ANKIB1: variants seen among roughly 807,000 people sequenced by gnomAD.
ANKIB1 encodes the protein ankyrin repeat and IBR domain-containing protein 1.
ANKIB1 carries 43 observed loss-of-function variants against 122.1 expected under a neutral mutation model. The ratio of observed to expected loss-of-function variants is 0.35; its 90% CI spans 0.28 to 0.45. The LOEUF (loss-of-function observed/expected upper bound fraction) is 0.45, where lower values mean the gene tolerates loss of function less well. ANKIB1 is among the 20% of genes least tolerant of loss of function. The pLI is 1.00. For missense variants in ANKIB1, 992 were observed against 1,329.5 expected (o/e 0.75, Z 3.95); for synonymous variants, 390 against 442.0 (o/e 0.88, Z 1.48).
chr7:92,340,520 GA>G (rs915759677), intron 5 of ANKIB1, among the ~76,000 whole-genome samples: 21 of 149,834 alleles, frequency 1.4e-4, no homozygotes, highest in East Asian at 1.4e-3. Context: ...GGAATACCAA[GA>G]AAAAAAAAGG....
chr7:92,339,286 C>A (rs997318778), intron 5 of ANKIB1, among the ~76,000 whole-genome samples: 2 of 151,830 alleles, frequency 1.3e-5, no homozygotes, highest in African/African-American at 4.8e-5. Context: ...TGGTGATCCG[C>A]CCGCCTTGGC....
At chr7:92,308,145 C>G (rs1037436181) in intron 3 of ANKIB1, among the ~76,000 whole-genome samples, 3 of 152,094 alleles carry the variant, frequency 2.0e-5, no homozygotes, top group Non-Finnish European at 2.9e-5. Flanking sequence ...GCTGGGATTA[C>G]AGGCGGGAGT....
intron 9 of ANKIB1, among the ~76,000 whole-genome samples, chr7:92,357,220 T>A (rs1488002730): frequency 1.3e-5 from 2 of 152,192 alleles, no homozygotes; most frequent in Non-Finnish European, 2.9e-5. Context: ...TGGAGGAGTT[T>A]AGATTAGGCA....
chr7:92,304,297 A>C (rs888802526), intron 2 of ANKIB1, among the ~76,000 whole-genome samples: 1 of 151,968 alleles, frequency 6.6e-6, no homozygotes, highest in Admixed American at 6.6e-5. Context: ...ATAATTTGAG[A>C]CTCTTTCTTG....
chr7:92,330,796 T>G (rs911093369), intron 5 of ANKIB1, among the ~76,000 whole-genome samples: 1 of 152,218 alleles, frequency 6.6e-6, no homozygotes, highest in Non-Finnish European at 1.5e-5. Context: ...GAGTGGAGAT[T>G]GTGCTACTGC....
At chr7:92,280,761 T>TA (rs1421960733) in intron 1 of ANKIB1, among the ~76,000 whole-genome samples, 3 of 152,202 alleles carry the variant, frequency 2.0e-5, no homozygotes, top group East Asian at 1.9e-4. Flanking sequence ...CGCTGACAAC[T>TA]TTTATCTCTC....
intron 2 of ANKIB1, among the ~76,000 whole-genome samples, chr7:92,299,538 C>G (rs1449963542): frequency 1.3e-5 from 2 of 152,126 alleles, no homozygotes; most frequent in African/African-American, 4.8e-5. Context: ...AAACATTTCT[C>G]ACTTTCCTAA....
chr7:92,371,382 G>A, intron 10 of ANKIB1, 95 bp from the exon 11 acceptor site: 1 of 1,039,990 alleles, frequency 9.6e-7, no homozygotes, highest in African/African-American at 1.6e-5. Flanking sequence ...AAAATTGAGA[G>A]ACAGCCTGCA....
At chr7:92,251,798 C>T (rs756974394) in intron 1 of ANKIB1, among the ~76,000 whole-genome samples, 1 of 152,152 alleles carries the variant, frequency 6.6e-6, no homozygotes, top group Non-Finnish European at 1.5e-5. Context: ...AGAAAATCAA[C>T]GTGGATACAA....
At chr7:92,371,043 T>G (rs576318148) in intron 10 of ANKIB1, among the ~76,000 whole-genome samples, 1 of 152,220 alleles carries the variant, frequency 6.6e-6, no homozygotes, top group Non-Finnish European at 1.5e-5. Flanking sequence ...TATTTTTTGC[T>G]TTTTACTATG....
intron 3 of ANKIB1, among the ~76,000 whole-genome samples, chr7:92,309,109 A>T (rs1802632332): frequency 6.6e-6 from 1 of 152,118 alleles, no homozygotes; most frequent in South Asian, 2.1e-4. Context: ...TTGTGATCTT[A>T]TCTTTTGTTT....
At chr7:92,302,631 T>C (rs1178788230) in intron 2 of ANKIB1, among the ~76,000 whole-genome samples, 2 of 152,212 alleles carry the variant, frequency 1.3e-5, no homozygotes, top group East Asian at 1.9e-4. Flanking sequence ...ACAGCCTCTT[T>C]TGCTTATTTG....
chr7:92,265,889 C>G (rs183602838), intron 1 of ANKIB1, among the ~76,000 whole-genome samples: 1 of 152,162 alleles, frequency 6.6e-6, no homozygotes, highest in Non-Finnish European at 1.5e-5. Context: ...GGCACTGTTA[C>G]AGGAGTCCGG....
At chr7:92,332,107 A>G (rs1468016268) in intron 5 of ANKIB1, among the ~76,000 whole-genome samples, 1 of 152,212 alleles carries the variant, frequency 6.6e-6, no homozygotes, top group Admixed American at 6.5e-5. Context: ...TACTAAAAGC[A>G]TTGTTCTGTA....
At chr7:92,282,385 C>T (rs1160774544) in intron 1 of ANKIB1, among the ~76,000 whole-genome samples, 1 of 152,144 alleles carries the variant, frequency 6.6e-6, no homozygotes. Context: ...GCCAAGCAAT[C>T]CACCTACCTC....
intron 5 of ANKIB1, among the ~76,000 whole-genome samples, chr7:92,328,550 A>G (rs1365262977): frequency 6.6e-6 from 1 of 152,110 alleles, no homozygotes; most frequent in African/African-American, 2.4e-5. Context: ...GCTGGATTGG[A>G]TCTTCTCATT....
chr7:92,260,226 C>G (rs1252914861), intron 1 of ANKIB1, among the ~76,000 whole-genome samples: 1 of 152,200 alleles, frequency 6.6e-6, no homozygotes, highest in African/African-American at 2.4e-5. Flanking sequence ...CTACTAGTTT[C>G]TTCCTTACTC....
At chr7:92,365,860 G>A (rs1456836417) in intron 10 of ANKIB1, among the ~76,000 whole-genome samples, 1 of 133,942 alleles carries the variant, frequency 7.5e-6, no homozygotes, top group African/African-American at 2.9e-5. Context: ...GCAGTGGTGC[G>A]ATCTCGGCTC....
chr7:92,280,502 G>C (rs1182120907), intron 1 of ANKIB1, among the ~76,000 whole-genome samples: 1 of 150,978 alleles, frequency 6.6e-6, no homozygotes, highest in Admixed American at 6.6e-5. Context: ...CCAGCCTTGG[G>C]AGTTGATTTA....
Sources: gnomAD v4.1 joint callset for allele counts (sites outside exome capture counted in the v4.1 genomes callset) on GRCh38, gnomAD v4.1.1 for gene constraint, MANE v1.5 for transcripts, NCBI Gene and HGNC (gene_info 2026-07-23, HGNC 2026-07-21) for gene names.